The following KLB variants were observed in gnomAD, a reference collection of about 807,000 sequenced individuals.
KLB encodes klotho beta.
Under a neutral mutation model 88.4 loss-of-function variants are expected in KLB, and 44 were observed. The ratio of observed to expected loss-of-function variants is 0.50; its 90% CI spans 0.39 to 0.64. The LOEUF (loss-of-function observed/expected upper bound fraction) is 0.64. Among genes scored for constraint, KLB ranks in the 30% least tolerant of loss-of-function variants. KLB has a pLI of 0.00. For missense variants in KLB, 1,137 were observed against 1,304.8 expected, an observed-to-expected ratio of 0.87 and a Z score of 1.98; for synonymous variants, 548 against 513.4, an observed-to-expected ratio of 1.07 and a Z score of -0.91.
At chr4:39,411,337 A>ATTTTTTTTTTTTTTT (rs35160893) in intron 1 of KLB, among the ~76,000 whole-genome samples, 1 of 103,296 alleles carries the variant, frequency 9.7e-6, no homozygotes, top group Non-Finnish European at 1.8e-5. Context: ...TTTTGTTTTG[A>ATTTTTTTTTTTTTTT]TTTTTTTTTT....
rs2109849268 is a variant in KLB, at chr4:39,450,055, A to G, written c.*1369A>G. The G allele has an allele frequency of 6.6e-6, 1 of 152,362 alleles. No individual in the cohort carries two copies. Among genetic ancestry groups the G allele is most frequent in the Non-Finnish European group, 1.5e-5 (1 of 68,024 alleles). 9.4% of individuals were successfully genotyped at this position (152,362 alleles called of 1,614,324 possible). ...AAGTTGCTATACTGTAAGTAAAGCA[A>G]CAATTCAGAATACTGAATGAGTTTA... is the stretch of plus-strand genomic sequence containing the variant. On this transcript the variant is annotated 3_prime_UTR_variant, in exon 5 of 5. Transcript: ENST00000257408.
At chr4:39,434,088 G>T (rs1312526834) in intron 1 of KLB, 122 bp from the exon 2 acceptor site, 2 of 918,876 alleles carry the variant, frequency 2.2e-6, no homozygotes, top group Non-Finnish European at 3.3e-6. Context: ...GGGCTCCCTG[G>T]CAGCTTTCCC....
intron 1 of KLB, among the ~76,000 whole-genome samples, chr4:39,415,624 A>C (rs2109821847): frequency 6.6e-6 from 1 of 152,354 alleles, no homozygotes; most frequent in East Asian, 1.9e-4. Context: ...ATTTATGTGC[A>C]TGTGTTATTA....
rs147498632 is a variant in KLB at position 39,423,253 on chromosome 4, C to A, written c.826-10957C>A. Among the ~76,000 whole-genome samples the A allele has an allele frequency of 2.7e-3, 396 of 148,192 alleles. 9 individuals carry two copies. Among genetic ancestry groups the A allele is most frequent in the African/African-American group, 8.7e-3 (354 of 40,834 alleles). Reference sequence around the variant, plus strand: ...CATATAAATGTTACACATAGAAGCGCTGTGCTAGGCACTTGGACAACTAAT... The same window carrying A: ...CATATAAATGTTACACATAGAAGCGATGTGCTAGGCACTTGGACAACTAAT... On this transcript the variant is annotated intron_variant, in intron 1 of 4. Coordinates refer to ENST00000257408, the MANE Select transcript of KLB (RefSeq NM_175737.4).
At position 39,446,930 on chromosome 4, in the gene KLB, G is replaced by T; in HGVS notation, c.2204G>T (p.Arg735Leu). Reference sequence around the variant, plus strand: ...GACCGGCAGTTCAGGCCCTCACAGCGCGGGGCCGTGTCGCTGTCGCTGCAC... The same window carrying T: ...GACCGGCAGTTCAGGCCCTCACAGCTCGGGGCCGTGTCGCTGTCGCTGCAC... ...LYDRQFRPSQ[R>L]GAVSLSLHAD... Residue 735 changes from arginine to leucine, a missense_variant, in exon 4 of 5, where the codon CGC becomes CTC. Arg to Leu is a moderately radical substitution (Grantham distance 102). Transcript: ENST00000257408. The surrounding 1 kb of genome is among the most constrained non-coding windows in gnomAD (Gnocchi z 6.4). The T allele has an allele frequency of 6.2e-7, 1 of 1,604,496 alleles. No homozygotes were observed. Among genetic ancestry groups the T allele is most frequent in the Non-Finnish European group, 8.5e-7 (1 of 1,178,820 alleles).
Position 39,407,190 on chromosome 4 carries a change from T to C in KLB, c.241T>C (p.Phe81Leu), listed in dbSNP as rs747704570. The stretch of plus-strand genomic sequence containing the variant: ...AAGTCAGCTGTTTCTCTATGACACT[T>C]TCCCTAAAAACTTTTTCTGGGGTAT... ...NESQLFLYDT[F>L]PKNFFWGIGT... The change falls in exon 1 of 5, where the codon TTC becomes CTC. Residue 81 changes from phenylalanine (F) to leucine (L), a missense_variant. Around this residue, in one of 4 missense-constraint regions of KLB, gnomAD observed 111 missense variants for 118.3 expected, o/e 0.94. Coordinates refer to ENST00000257408, the MANE Select transcript of KLB (RefSeq NM_175737.4). 2 of 1,614,012 alleles carry C rather than the reference T, an allele frequency of 1.2e-6. No individual in the cohort carries two copies. The highest frequency in any genetic ancestry group is 1.1e-5 in the South Asian group (1 of 91,092).
intron 2 of KLB, among the ~76,000 whole-genome samples, chr4:39,436,080 T>C (rs1160175996): frequency 6.6e-6 from 1 of 152,210 alleles, no homozygotes; most frequent in Non-Finnish European, 1.5e-5. Context: ...AGTAGTGACA[T>C]CTACAGGTGG....
At chr4:39,426,598 G>T (rs1743223870) in intron 1 of KLB, among the ~76,000 whole-genome samples, 1 of 151,336 alleles carries the variant, frequency 6.6e-6, no homozygotes, top group African/African-American at 2.4e-5. Flanking sequence ...TAAAAAAATA[G>T]TCACATAATA....
rs1459010281 is a variant in KLB, at chr4:39,447,254, CGGACAG to C, written c.2534_2539del (p.Arg845_Asp846del). 6.2e-6 allele frequency: 10 copies of C among 1,614,026 alleles called. No homozygotes were observed. Among genetic ancestry groups the C allele is most frequent in the Non-Finnish European group, 8.5e-6 (10 of 1,180,048 alleles). On this transcript the variant is annotated inframe_deletion, in exon 4 of 5. Transcript: ENST00000257408. ...CAGCTGGCCGGCAGCCGCTACGACT[CGGACAG>C]GGACATCCAGTTTCTGCAGGACATC...
chr4:39,418,271 T>A (rs974462210), intron 1 of KLB, among the ~76,000 whole-genome samples: 1 of 152,126 alleles, frequency 6.6e-6, no homozygotes, highest in Non-Finnish European at 1.5e-5. Context: ...AGAGTCTCGC[T>A]CTGTCACCTA....
In KLB at chr4:39,446,349, G is replaced by A. The variant is rs1261938126; in HGVS notation, c.1623G>A (p.Ser541=). 6.2e-7 allele frequency: 1 copy of A among 1,613,568 alleles called. No individual in the cohort carries two copies. The highest frequency in any genetic ancestry group is 8.5e-7 in the Non-Finnish European group (1 of 1,179,766). The change falls in exon 4 of 5, where the codon TCG becomes TCA. Residue 541 remains serine, a synonymous_variant. Coordinates refer to ENST00000257408, the MANE Select transcript of KLB (RefSeq NM_175737.4). This position sits in a 1 kb window ranked among gnomAD's most constrained non-coding sequence, Gnocchi z 6.4. ...TTTCACAGCCCGAGTCTGTGGCTTC[G>A]TCCCCACAGTTCAGCGATCCTCATC... ...ESVLKPESVA[S]SPQFSDPHLY...
intron 1 of KLB, among the ~76,000 whole-genome samples, chr4:39,423,778 C>T (rs1045818725): frequency 1.3e-5 from 2 of 151,742 alleles, no homozygotes; most frequent in Non-Finnish European, 2.9e-5. Flanking sequence ...CCTCAAGAAG[C>T]TAATAGACCT....
chr4:39,442,601 T>G (rs367911830), intron 3 of KLB, among the ~76,000 whole-genome samples: 4 of 152,158 alleles, frequency 2.6e-5, no homozygotes, highest in African/African-American at 9.6e-5. Flanking sequence ...GCCCAGCTAA[T>G]TTTTTGTATT....
chr4:39,414,841 C>T (rs943763183), intron 1 of KLB, among the ~76,000 whole-genome samples: 4 of 146,418 alleles, frequency 2.7e-5, no homozygotes, highest in Admixed American at 6.9e-5. Flanking sequence ...TGCACTCTAG[C>T]CTGGGTAACA....
At position 39,447,486 on chromosome 4, in the gene KLB, G is replaced by T. The variant is rs199616279; in HGVS notation, c.2749+11G>T. On this transcript the variant is annotated intron_variant, in intron 4 of 4. Coordinates refer to ENST00000257408, the MANE Select transcript of KLB (RefSeq NM_175737.4). ...AGGAGGTGCTGAAAGGTAAGGGCGG[G>T]GCCCCTTCAGACACAGGGCAGAGCG... 86 of 1,546,184 alleles carry T rather than the reference G, an allele frequency of 5.6e-5. No individual in the cohort carries two copies. In the African/African-American group the frequency reaches 8.6e-4, roughly 15 times the overall value.
chr4:39,422,808 C>G (rs551407697), intron 1 of KLB, among the ~76,000 whole-genome samples: 1 of 151,694 alleles, frequency 6.6e-6, no homozygotes, highest in South Asian at 2.1e-4. Context: ...GTCACCCACA[C>G]TGGAGTGCAG....
At chr4:39,417,471 G>A (rs773487736) in intron 1 of KLB, among the ~76,000 whole-genome samples, 2 of 151,986 alleles carry the variant, frequency 1.3e-5, no homozygotes, top group Non-Finnish European at 2.9e-5. Flanking sequence ...ACACCGCCAC[G>A]CCTGGCTAAT....
intron 3 of KLB, chr4:39,441,766 A>AT (rs71952644): frequency 1.6e-3 from 33 of 20,362 alleles, no homozygotes; most frequent in Non-Finnish European, 3.8e-3. Flanking sequence ...TAGCCCAAAC[A>AT]TAAATAAATA....
intron 1 of KLB, among the ~76,000 whole-genome samples, chr4:39,408,836 T>C (rs13125967): frequency 0.2 from 30,086 of 151,732 alleles, 3,123 homozygotes; most frequent in East Asian, 0.38. Flanking sequence ...AATAAATTAT[T>C]CTGCACACCT....
Sources: gnomAD v4.1 joint callset for allele counts (sites outside exome capture counted in the v4.1 genomes callset) on GRCh38, gnomAD v4.1.1 for gene constraint, gnomAD v4.1.1 regional missense constraint, Gnocchi (gnomAD v3.1) non-coding constraint, MANE v1.5 for transcripts, NCBI Gene and HGNC (gene_info 2026-07-23, HGNC 2026-07-21) for gene names.